The following SLX4IP variants were observed in gnomAD, a reference collection of about 807,000 sequenced individuals.
The protein encoded by SLX4IP is SLX4 interacting protein.
A neutral mutation model predicts 32.9 loss-of-function variants in SLX4IP; 34 were observed. The observed-to-expected ratio is 1.03, with a 90% confidence interval of 0.79 to 1.38. The LOEUF is 1.38. Among genes scored for constraint, SLX4IP ranks in the 40% most tolerant of loss-of-function variants. SLX4IP has a pLI of 0.00. For missense variants in SLX4IP, 444 were observed against 479.0 expected, an observed-to-expected ratio of 0.93 and a Z score of 0.68; for synonymous variants, 172 against 171.7, an observed-to-expected ratio of 1.00 and a Z score of -0.01.
chr20:10,565,074 G>A (rs991933401), intron 4 of SLX4IP, among the ~76,000 whole-genome samples: 3 of 151,482 alleles, frequency 2.0e-5, no homozygotes, highest in South Asian at 4.2e-4. Flanking sequence ...TCCCTTGGTC[G>A]AGGCCCGTCT....
chr20:10,449,555 G>T (rs1381174182), intron 1 of SLX4IP, among the ~76,000 whole-genome samples: 2 of 152,160 alleles, frequency 1.3e-5, no homozygotes, highest in Admixed American at 1.3e-4. Context: ...CGCTTGGTTA[G>T]GCCATCAGCT....
intron 2 of SLX4IP, among the ~76,000 whole-genome samples, 172 bp downstream of exon 2, chr20:10,458,403 C>T (rs550177241): frequency 1.6e-4 from 24 of 151,814 alleles, no homozygotes; most frequent in Non-Finnish European, 2.2e-4. Flanking sequence ...GTGCAGGATG[C>T]GCAGGTTTGT....
At chr20:10,604,288 T>C (rs1312047019) in intron 6 of SLX4IP, among the ~76,000 whole-genome samples, 2 of 152,248 alleles carry the variant, frequency 1.3e-5, no homozygotes, top group Admixed American at 6.5e-5. Flanking sequence ...TTGACTTAAC[T>C]CACTCTTCTG....
chr20:10,453,070 C>G (rs1449897001), intron 1 of SLX4IP, among the ~76,000 whole-genome samples: 1 of 152,068 alleles, frequency 6.6e-6, no homozygotes, highest in Non-Finnish European at 1.5e-5. Flanking sequence ...CACACACATT[C>G]CCTATTTTTC....
chr20:10,521,418 C>T (rs948432144), intron 2 of SLX4IP, among the ~76,000 whole-genome samples: 2 of 152,162 alleles, frequency 1.3e-5, no homozygotes, highest in Non-Finnish European at 2.9e-5. Flanking sequence ...TCTCTTCTCT[C>T]TACGTGGGTT....
intron 2 of SLX4IP, among the ~76,000 whole-genome samples, chr20:10,532,583 C>T (rs857006): frequency 0.55 from 83,488 of 151,682 alleles, 24,066 homozygotes; most frequent in South Asian, 0.72. Flanking sequence ...CATCTCTAGT[C>T]CTCACTTCAC....
chr20:10,490,274 A>C (rs619050), intron 2 of SLX4IP, among the ~76,000 whole-genome samples: 63,440 of 151,752 alleles, frequency 0.42, 13,646 homozygotes, highest in Admixed American at 0.51. Flanking sequence ...CATTTTGTTT[A>C]TGAATAAAAT....
At chr20:10,570,836 C>T (rs957401973) in intron 4 of SLX4IP, among the ~76,000 whole-genome samples, 2 of 151,750 alleles carry the variant, frequency 1.3e-5, no homozygotes, top group African/African-American at 2.4e-5. Flanking sequence ...GCCACATGCA[C>T]ACTTGTTTTT....
chr20:10,553,300 A>G (rs983058815), intron 2 of SLX4IP, among the ~76,000 whole-genome samples: 1 of 151,028 alleles, frequency 6.6e-6, no homozygotes, highest in Non-Finnish European at 1.5e-5. Context: ...ATCCATCACT[A>G]TGTGACAAGA....
intron 4 of SLX4IP, among the ~76,000 whole-genome samples, chr20:10,574,585 G>A (rs1226982911): frequency 1.3e-5 from 2 of 151,842 alleles, no homozygotes; most frequent in East Asian, 1.9e-4. Flanking sequence ...CCAGACTTTC[G>A]GCATATCTGG....
chr20:10,517,578 C>T (rs1238256361), intron 2 of SLX4IP, among the ~76,000 whole-genome samples: 4 of 152,194 alleles, frequency 2.6e-5, no homozygotes, highest in East Asian at 1.9e-4. Flanking sequence ...GCTCCTTGTC[C>T]GTAGGCCGCT....
chr20:10,478,424 ATG>A (rs377339814), intron 2 of SLX4IP, among the ~76,000 whole-genome samples: 28 of 152,288 alleles, frequency 1.8e-4, no homozygotes, highest in African/African-American at 6.5e-4. Flanking sequence ...GAGGTAGAGA[ATG>A]TGAAAAGCAG....
rs72623521 is a variant in SLX4IP at position 10,511,816 on chromosome 20, C to G, written c.28-44415C>G. On this transcript the variant is annotated intron_variant, in intron 2 of 7. Coordinates refer to ENST00000334534, the MANE Select transcript of SLX4IP (RefSeq NM_001009608.3). The stretch of plus-strand genomic sequence containing the variant: ...GAGACCACAGTGGTTTTCTTCTTCT[C>G]TAGTAAATAGTTGAGTTCCTTTGAC... Among the ~76,000 whole-genome samples, 2,501 of 152,274 alleles carry G rather than the reference C, an allele frequency of 0.016. 149 individuals carry two copies. In the East Asian group the frequency reaches 0.2, roughly 12 times the overall value.
intron 2 of SLX4IP, among the ~76,000 whole-genome samples, chr20:10,489,337 A>G (rs1813137777): frequency 1.3e-5 from 2 of 151,998 alleles, no homozygotes; most frequent in Non-Finnish European, 2.9e-5. Flanking sequence ...TTCACCAGTT[A>G]TCTTTCCCTA....
At chr20:10,490,792 C>T (rs2065615678) in intron 2 of SLX4IP, among the ~76,000 whole-genome samples, 1 of 152,088 alleles carries the variant, frequency 6.6e-6, no homozygotes, top group African/African-American at 2.4e-5. Flanking sequence ...GAGTCTCTGT[C>T]CATTCTCCTT....
At chr20:10,529,573 C>T (rs2065968587) in intron 2 of SLX4IP, among the ~76,000 whole-genome samples, 1 of 111,160 alleles carries the variant, frequency 9.0e-6, no homozygotes, top group Middle Eastern at 9.1e-3. Flanking sequence ...TCTGGGTGAC[C>T]GTGTGAGACT....
At position 10,502,489 on chromosome 20, in the gene SLX4IP, C is replaced by T. The variant is rs142665167; in HGVS notation, c.27+44258C>T. 4.9e-3 allele frequency among the ~76,000 whole-genome samples: 749 copies of T among 152,336 alleles called. 6 individuals carry two copies. Among genetic ancestry groups the T allele is most frequent in the African/African-American group, 0.017 (696 of 41,568 alleles). The stretch of plus-strand genomic sequence containing the variant: ...ATGTGCATGCACACTCACATGTCCC[C>T]GCTCACAAACCCACTCACTTTCAAC... On this transcript the variant is annotated intron_variant, in intron 2 of 7. Transcript: ENST00000334534.
At chr20:10,558,524 C>T (rs368992401) in intron 3 of SLX4IP, among the ~76,000 whole-genome samples, 23 of 152,166 alleles carry the variant, frequency 1.5e-4, no homozygotes, top group East Asian at 7.7e-4. Context: ...TTATGAGCAA[C>T]CAATTTGATT....
chr20:10,481,957 C>T lies in SLX4IP; in HGVS notation c.27+23726C>T, dbSNP rs866696823. Among the ~76,000 whole-genome samples the T allele has an allele frequency of 2.6e-5, 4 of 152,308 alleles. No individual in the cohort carries two copies. The South Asian group carries it at 8.3e-4, about 32-fold the overall frequency. On this transcript the variant is annotated intron_variant, in intron 2 of 7. Transcript: ENST00000334534. ...CTCACAACATGCGGCTGGCTTTCCT[C>T]AGAGCAAGCAAGAGAGGGTGCCCAA...
Sources: gnomAD v4.1 joint callset for allele counts (sites outside exome capture counted in the v4.1 genomes callset) on GRCh38, gnomAD v4.1.1 for gene constraint, MANE v1.5 for transcripts, NCBI Gene and HGNC (gene_info 2026-07-23, HGNC 2026-07-21) for gene names.